DCC: variants seen among roughly 807,000 people sequenced by gnomAD.
DCC encodes the protein DCC netrin 1 receptor.
A neutral mutation model predicts 172.5 loss-of-function variants in DCC; 58 were observed. The ratio of observed to expected loss-of-function variants is 0.34; its 90% CI spans 0.27 to 0.42. DCC has a LOEUF of 0.42. Among genes scored for constraint, DCC ranks in the 10% least tolerant of loss-of-function variants. DCC has a pLI of 1.00. For synonymous variants in DCC, 709 were observed against 644.5 expected (o/e 1.10, Z -1.52); for missense variants, 1,740 against 1,791.0 (o/e 0.97, Z 0.51).
chr18:53,410,200 C>A (rs1909899093), intron 19 of DCC, among the ~76,000 whole-genome samples: 1 of 152,090 alleles, frequency 6.6e-6, no homozygotes, highest in Admixed American at 6.6e-5. Context: ...TAGCAGAAAG[C>A]ACACATTTTT....
chr18:53,303,836 C>CCAAGA (rs2057168773), intron 12 of DCC, among the ~76,000 whole-genome samples: 1 of 152,172 alleles, frequency 6.6e-6, no homozygotes, highest in African/African-American at 2.4e-5. Context: ...TACCTGGGTT[C>CCAAGA]TTGTCCAGCA....
Position 52,832,484 on chromosome 18 carries a change from A to G in DCC, c.413-73560A>G, listed in dbSNP as rs558762914. Among the ~76,000 whole-genome samples, 162 of 152,206 alleles carry G rather than the reference A, an allele frequency of 1.1e-3. 2 individuals are homozygous for G. Among genetic ancestry groups the G allele is most frequent in the African/African-American group, 3.8e-3 (159 of 41,494 alleles). On this transcript the variant is annotated intron_variant, in intron 2 of 28. Transcript: ENST00000442544. ...CCTGTGCACCCCAAAATTTATGCAT[A>G]TAATTTTAGTAAGACTTCTGGGCGT...
intron 22 of DCC, among the ~76,000 whole-genome samples, chr18:53,441,980 C>T (rs1223670413): frequency 6.6e-6 from 1 of 152,190 alleles, no homozygotes; most frequent in African/African-American, 2.4e-5. Flanking sequence ...ATGGGCTGCT[C>T]TCAGTTCTGT....
At chr18:52,432,208 G>C (rs1809819567) in intron 1 of DCC, among the ~76,000 whole-genome samples, 1 of 152,092 alleles carries the variant, frequency 6.6e-6, no homozygotes, top group African/African-American at 2.4e-5. Context: ...CACGTGTCTT[G>C]TTGGTTATTT....
At chr18:52,974,300 CT>C (rs2145592094) in intron 5 of DCC, among the ~76,000 whole-genome samples, 1 of 152,242 alleles carries the variant, frequency 6.6e-6, no homozygotes, top group South Asian at 2.1e-4. Context: ...GGTCTTTTAT[CT>C]GGTGCTAGTA....
At chr18:53,168,809 T>G (rs2054965917) in intron 8 of DCC, among the ~76,000 whole-genome samples, 1 of 152,060 alleles carries the variant, frequency 6.6e-6, no homozygotes, top group African/African-American at 2.4e-5. Context: ...GACGGCTCAT[T>G]GCAGATGACT....
intron 15 of DCC, among the ~76,000 whole-genome samples, chr18:53,345,441 T>C (rs550448169): frequency 1.2e-4 from 18 of 152,304 alleles, no homozygotes; most frequent in African/African-American, 4.3e-4. Flanking sequence ...TACATGTACA[T>C]GCATTGAAAA....
In DCC at chr18:52,559,562, G is replaced by A. The variant is rs149092690; in HGVS notation, c.92-192492G>A. 4.1e-3 allele frequency among the ~76,000 whole-genome samples: 622 copies of A among 152,124 alleles called. 5 individuals are homozygous for A. Among genetic ancestry groups the A allele is most frequent in the African/African-American group, 0.014 (578 of 41,516 alleles). On this transcript the variant is annotated intron_variant, in intron 1 of 28. Transcript: ENST00000442544. ...CAAAATGCACAAAAGAATCAAAATC[G>A]AATTAGGTAATCAAAAATGAAAACC...
At chr18:52,799,170 C>G (rs1331536502) in intron 2 of DCC, among the ~76,000 whole-genome samples, 5 of 152,190 alleles carry the variant, frequency 3.3e-5, no homozygotes, top group Admixed American at 2.6e-4. Flanking sequence ...AAATTAGAAG[C>G]CATCTAATCC....
chr18:53,132,825 TC>T (rs1167169751), intron 7 of DCC, among the ~76,000 whole-genome samples: 1 of 152,168 alleles, frequency 6.6e-6, no homozygotes, highest in Non-Finnish European at 1.5e-5. Context: ...GAAGGACCCA[TC>T]ATTCTGTAAC....
intron 1 of DCC, among the ~76,000 whole-genome samples, chr18:52,518,836 A>G (rs1366713709): frequency 6.6e-6 from 1 of 152,184 alleles, no homozygotes. Flanking sequence ...ATTTGCTTTT[A>G]CGAAAATATC....
At chr18:53,179,265 T>A (rs2055157779) in intron 9 of DCC, 149 bp downstream of exon 9, 2 of 803,950 alleles carry the variant, frequency 2.5e-6, no homozygotes, top group South Asian at 3.2e-5. Context: ...CGAGGACTTT[T>A]AAAAGATAAC....
intron 5 of DCC, among the ~76,000 whole-genome samples, chr18:53,042,121 G>A (rs992080717): frequency 2.0e-5 from 3 of 152,026 alleles, no homozygotes; most frequent in Admixed American, 1.3e-4. Flanking sequence ...TGCCCATTCA[G>A]TATGATATTG....
chr18:53,206,781 C>A (rs1746081500), intron 10 of DCC, among the ~76,000 whole-genome samples: 1 of 151,020 alleles, frequency 6.6e-6, no homozygotes, highest in South Asian at 2.1e-4. Flanking sequence ...AAATTGGCCC[C>A]AGGATATGGG....
intron 2 of DCC, among the ~76,000 whole-genome samples, chr18:52,800,871 G>T (rs115964153): frequency 6.6e-6 from 1 of 152,276 alleles, no homozygotes; most frequent in African/African-American, 2.4e-5. Context: ...AATTCACTGG[G>T]TAATTCTACT....
chr18:52,498,385 G>A (rs983710311), intron 1 of DCC, among the ~76,000 whole-genome samples: 16 of 152,010 alleles, frequency 1.1e-4, no homozygotes, highest in Non-Finnish European at 2.2e-4. Context: ...GCACTTTGGG[G>A]GGCCAAGGTG....
At chr18:52,954,555 G>A (rs1018422837) in intron 5 of DCC, among the ~76,000 whole-genome samples, 2 of 152,128 alleles carry the variant, frequency 1.3e-5, no homozygotes, top group East Asian at 3.9e-4. Context: ...TACCCTCAGA[G>A]AAGCGTAGGG....
intron 5 of DCC, among the ~76,000 whole-genome samples, chr18:53,057,610 A>T (rs1435296971): frequency 6.6e-6 from 1 of 152,148 alleles, no homozygotes; most frequent in Non-Finnish European, 1.5e-5. Flanking sequence ...GGAAAGTACA[A>T]CTGAAATCAA....
intron 13 of DCC, among the ~76,000 whole-genome samples, chr18:53,313,702 A>G (rs547008014): frequency 5.8e-4 from 89 of 152,342 alleles, no homozygotes; most frequent in African/African-American, 2.0e-3. Flanking sequence ...TCATAGATAG[A>G]TATTTCTTCC....
Sources: gnomAD v4.1 joint callset for allele counts (sites outside exome capture counted in the v4.1 genomes callset) on GRCh38, gnomAD v4.1.1 for gene constraint, MANE v1.5 for transcripts, NCBI Gene and HGNC (gene_info 2026-07-23, HGNC 2026-07-21) for gene names.